Variants in PREX1 observed in about 807,000 individuals in gnomAD.
The protein encoded by PREX1 is phosphatidylinositol-3,4,5-trisphosphate dependent Rac exchange factor 1.
PREX1 carries 41 observed loss-of-function variants against 198.3 expected under a neutral mutation model. That is an observed-to-expected ratio of 0.21 (90% CI 0.16 to 0.27). The LOEUF is 0.27. Among genes scored for constraint, PREX1 ranks in the 10% least tolerant of loss-of-function variants. The probability of loss-of-function intolerance (pLI) is 1.00; values close to 1 mark genes in which losing one functional copy is unlikely to be tolerated. For missense variants in PREX1, 1,620 were observed against 2,200.7 expected (o/e 0.74, Z 5.28); for synonymous variants, 843 against 887.2 (o/e 0.95, Z 0.89).
intron 1 of PREX1, among the ~76,000 whole-genome samples, chr20:48,769,519 A>G (rs1220753149): frequency 1.3e-5 from 2 of 152,186 alleles, no homozygotes; most frequent in Admixed American, 1.3e-4. Flanking sequence ...CCTCCAACAG[A>G]GGCTGCGCTA....
the PREX1 span, among the ~76,000 whole-genome samples, chr20:48,880,748 T>A: frequency 2.6e-5 from 4 of 152,052 alleles, no homozygotes; most frequent in Non-Finnish European, 4.4e-5. Context: ...CAGGGCTTAT[T>A]TACTAGGAAA....
At chr20:48,652,516 G>T (rs2089507043) in intron 21 of PREX1, 70 bp downstream of exon 21, 1 of 1,514,428 alleles carries the variant, frequency 6.6e-7, no homozygotes, top group Non-Finnish European at 8.9e-7. Flanking sequence ...GGGACAACAG[G>T]AGAGGACCCA....
the PREX1 span, among the ~76,000 whole-genome samples, chr20:48,850,381 T>C: frequency 6.6e-6 from 1 of 152,096 alleles, no homozygotes; most frequent in South Asian, 2.1e-4. Context: ...ACAAAAGCTC[T>C]AGCAGAGGGG....
At chr20:48,817,294 T>C (rs908535231) in intron 1 of PREX1, among the ~76,000 whole-genome samples, 2 of 152,196 alleles carry the variant, frequency 1.3e-5, no homozygotes, top group Admixed American at 6.5e-5. Context: ...CAGACCAATG[T>C]CCAGGGCAAG....
At chr20:48,729,995 C>G (rs1160223469) in intron 4 of PREX1, among the ~76,000 whole-genome samples, 2 of 152,086 alleles carry the variant, frequency 1.3e-5, no homozygotes, top group African/African-American at 2.4e-5. Flanking sequence ...GAGATTGGAG[C>G]AATGCTGCCA....
intron 7 of PREX1, 23 bp from the exon 8 acceptor site, chr20:48,692,813 T>C (rs1172402323): frequency 6.3e-7 from 1 of 1,590,342 alleles, no homozygotes; most frequent in Non-Finnish European, 8.6e-7. Flanking sequence ...GAGAAGTCAG[T>C]GTCCCCTACA....
At chr20:48,832,528 A>T (rs150463040), upstream of PREX1, among the ~76,000 whole-genome samples, 793 of 152,352 alleles carry the variant, frequency 5.2e-3, 2 homozygotes, top group African/African-American at 0.018. Context: ...CAAAAGTCAG[A>T]CCAGCAGCCC....
chr20:48,726,413 T>A, intron 4 of PREX1, 22 bp from the exon 5 acceptor site: 1 of 1,579,666 alleles, frequency 6.3e-7, no homozygotes, highest in Non-Finnish European at 8.7e-7. Flanking sequence ...CAGGAGACCT[T>A]CATGAAACCC....
At chr20:48,789,745 G>T (rs1451666806) in intron 1 of PREX1, among the ~76,000 whole-genome samples, 2 of 152,182 alleles carry the variant, frequency 1.3e-5, no homozygotes, top group Admixed American at 6.5e-5. Flanking sequence ...TGTTGTGACT[G>T]GTATTTGAAT....
chr20:48,733,455 A>G (rs1190278056), intron 4 of PREX1, among the ~76,000 whole-genome samples: 1 of 152,186 alleles, frequency 6.6e-6, no homozygotes, highest in Non-Finnish European at 1.5e-5. Context: ...TGCTGTTACT[A>G]TGGGGAAAGG....
At chr20:48,782,619 G>A (rs903330101) in intron 1 of PREX1, among the ~76,000 whole-genome samples, 5 of 152,114 alleles carry the variant, frequency 3.3e-5, no homozygotes, top group African/African-American at 1.2e-4. Flanking sequence ...TTAAAATAAT[G>A]GCCGGCCAGG....
intron 15 of PREX1, among the ~76,000 whole-genome samples, chr20:48,663,929 C>T (rs1221247805): frequency 2.0e-5 from 3 of 151,994 alleles, no homozygotes; most frequent in African/African-American, 4.8e-5. Flanking sequence ...CACACACACA[C>T]GGGACTGTTA....
intron 1 of PREX1, among the ~76,000 whole-genome samples, chr20:48,787,060 G>A (rs2090316447): frequency 6.6e-6 from 1 of 151,812 alleles, no homozygotes; most frequent in Non-Finnish European, 1.5e-5. Flanking sequence ...CCATTCTCTG[G>A]GCCTCACTGG....
At position 48,765,282 on chromosome 20, in the gene PREX1, A is replaced by G. The variant is rs112088961; in HGVS notation, c.220-17402T>C. 3.6e-3 allele frequency among the ~76,000 whole-genome samples: 542 copies of G among 152,342 alleles called. 3 individuals carry two copies. Among genetic ancestry groups the G allele is most frequent in the African/African-American group, 0.012 (480 of 41,576 alleles). On this transcript the variant is annotated intron_variant, in intron 1 of 39. Transcript: ENST00000371941. ...AAAATGCTTTCTTTCCCCACCCACAAAAGTATCTACAAACAAATATTCATT... is the reference window on the plus strand; with the variant it reads ...AAAATGCTTTCTTTCCCCACCCACAGAAGTATCTACAAACAAATATTCATT...
chr20:48,679,377 G>A lies in PREX1; in HGVS notation c.1572C>T (p.Leu524=), dbSNP rs1218666753. 1.2e-6 allele frequency: 2 copies of A among 1,613,592 alleles called. No individual in the cohort carries two copies. The highest frequency in any genetic ancestry group is 4.5e-5 in the East Asian group (2 of 44,888). The stretch of plus-strand genomic sequence containing the variant: ...TAACTTACTTGATCACCGGGGTGTA[G>A]AGGCTGTGAAGACGGCAGTAAAGCC... The part of the protein sequence containing the change: ...GVRLYCRLHS[L]YTPVIKDRDY... The change falls in exon 13 of 40, where the codon CTC becomes CTT. Residue 524 remains leucine (L), a synonymous_variant. Coordinates refer to ENST00000371941, the MANE Select transcript of PREX1 (RefSeq NM_020820.4).
intron 10 of PREX1, among the ~76,000 whole-genome samples, chr20:48,687,201 C>CT (rs1401769481): frequency 1.3e-5 from 2 of 152,028 alleles, no homozygotes; most frequent in African/African-American, 4.8e-5. Context: ...CAATGCAGAC[C>CT]TTTCTCCCCA....
At chr20:48,674,958 G>A (rs892648198) in intron 14 of PREX1, among the ~76,000 whole-genome samples, 10 of 152,284 alleles carry the variant, frequency 6.6e-5, no homozygotes, top group Non-Finnish European at 8.8e-5. Context: ...GTCCTAGTTT[G>A]CCCAAGACCA....
the PREX1 span, among the ~76,000 whole-genome samples, chr20:48,842,325 T>C: frequency 1.1e-4 from 16 of 152,180 alleles, no homozygotes; most frequent in Non-Finnish European, 2.1e-4. Context: ...AAAGCCTTGA[T>C]TAATCTAATC....
chr20:48,810,381 A>G (rs1432566934), intron 1 of PREX1, among the ~76,000 whole-genome samples: 1 of 151,798 alleles, frequency 6.6e-6, no homozygotes, highest in East Asian at 1.9e-4. Context: ...CCAGGAGTTC[A>G]AGACCAGCCT....
Sources: allele counts gnomAD v4.1 joint callset (sites outside exome capture counted in the v4.1 genomes callset), GRCh38; gene constraint gnomAD v4.1.1; transcripts MANE v1.5; gene names NCBI Gene and HGNC (gene_info 2026-07-23, HGNC 2026-07-21).